The following TMTC2 variants were observed in gnomAD, a reference collection of about 807,000 sequenced individuals.
TMTC2 encodes transmembrane O-mannosyltransferase targeting cadherins 2, also known as protein O-mannosyl-transferase TMTC2.
A neutral mutation model predicts 82.4 loss-of-function variants in TMTC2; 43 were observed. That is an observed-to-expected ratio of 0.52 (90% CI 0.41 to 0.67). TMTC2 has a LOEUF of 0.67. TMTC2 is among the 30% of genes least tolerant of loss of function. The pLI is 0.00. For synonymous variants in TMTC2, 408 were observed against 381.9 expected, an observed-to-expected ratio of 1.07 and a Z score of -0.80; for missense variants, 919 against 1,012.4, an observed-to-expected ratio of 0.91 and a Z score of 1.25.
chr12:83,091,649 TTATG>T (rs1177420403), intron 11 of TMTC2, among the ~76,000 whole-genome samples: 1 of 152,218 alleles, frequency 6.6e-6, no homozygotes, highest in Non-Finnish European at 1.5e-5. Flanking sequence ...GTATTTTCAT[TTATG>T]TATGTATTAT....
chr12:82,933,941 T>G (rs1486905586), intron 4 of TMTC2, among the ~76,000 whole-genome samples: 1 of 152,230 alleles, frequency 6.6e-6, no homozygotes, highest in East Asian at 1.9e-4. Flanking sequence ...GAAATCAAAT[T>G]ATATCCAAGA....
chr12:82,989,115 G>A (rs371405081), intron 8 of TMTC2, among the ~76,000 whole-genome samples: 2 of 151,322 alleles, frequency 1.3e-5, no homozygotes, highest in African/African-American at 4.9e-5. Flanking sequence ...ACCAAAAAAA[G>A]CAAGAAAGAG....
chr12:83,017,180 C>A, intron 8 of TMTC2, among the ~76,000 whole-genome samples: 1 of 152,142 alleles, frequency 6.6e-6, no homozygotes, highest in East Asian at 1.9e-4. Flanking sequence ...CACAGTAAGA[C>A]CTCACTGATG....
At chr12:83,016,997 G>A (rs666439) in intron 8 of TMTC2, among the ~76,000 whole-genome samples, 1 of 152,220 alleles carries the variant, frequency 6.6e-6, no homozygotes, top group Non-Finnish European at 1.5e-5. Flanking sequence ...GGAAAAAGTA[G>A]AATTGCAGTG....
chr12:83,066,759 T>C (rs1882931469), intron 11 of TMTC2, among the ~76,000 whole-genome samples: 1 of 151,990 alleles, frequency 6.6e-6, no homozygotes, highest in Admixed American at 6.6e-5. Flanking sequence ...GGCCACCATA[T>C]ATGTTCCAAA....
chr12:82,921,336 T>C (rs1875381467), intron 3 of TMTC2, among the ~76,000 whole-genome samples: 1 of 152,202 alleles, frequency 6.6e-6, no homozygotes, highest in Admixed American at 6.5e-5. Flanking sequence ...TTAACCTCAG[T>C]TTTCTCATCT....
chr12:82,996,008 T>A (rs1053492390), intron 8 of TMTC2, among the ~76,000 whole-genome samples: 1 of 152,210 alleles, frequency 6.6e-6, no homozygotes, highest in African/African-American at 2.4e-5. Flanking sequence ...TGTACATAAA[T>A]GCCTGACTTC....
At position 82,857,409 on chromosome 12, in the gene TMTC2, A is replaced by T. The variant is rs1364007188; in HGVS notation, c.483A>T (p.Thr161=). The T allele has an allele frequency of 1.9e-6, 3 of 1,614,064 alleles. No individual in the cohort carries two copies. The East Asian group carries it at 6.7e-5, about 36-fold the overall frequency. ...TCTGCTACATTAAACACTGTTCTAC[A>T]AGAGGCTACTCAGCCAGAACCTGGG... is the stretch of plus-strand genomic sequence containing the variant. ...SLLCYIKHCS[T]RGYSARTWGW... is the part of the protein sequence containing the mutation. The change falls in exon 2 of 12, where the codon ACA becomes ACT. Residue 161 remains threonine, a synonymous_variant. Coordinates refer to ENST00000321196, the MANE Select transcript of TMTC2 (RefSeq NM_152588.3).
chr12:82,826,050 T>C (rs890108175), intron 1 of TMTC2, among the ~76,000 whole-genome samples: 1 of 152,260 alleles, frequency 6.6e-6, no homozygotes, highest in African/African-American at 2.4e-5. Flanking sequence ...TAGACTTGGA[T>C]AAATTTATAC....
chr12:82,875,915 A>G (rs894351391), intron 2 of TMTC2, among the ~76,000 whole-genome samples: 13 of 151,794 alleles, frequency 8.6e-5, no homozygotes, highest in African/African-American at 2.7e-4. Context: ...AAAAAAAAAA[A>G]AAAAAGAAAG....
intron 1 of TMTC2, among the ~76,000 whole-genome samples, chr12:82,766,271 T>C (rs1014684495): frequency 3.9e-5 from 6 of 152,174 alleles, no homozygotes; most frequent in Non-Finnish European, 8.8e-5. Flanking sequence ...TCCTGGAACA[T>C]AGCAAAGGCA....
At chr12:82,783,192 A>C (rs1167152721) in intron 1 of TMTC2, among the ~76,000 whole-genome samples, 1 of 152,068 alleles carries the variant, frequency 6.6e-6, no homozygotes, top group Non-Finnish European at 1.5e-5. Context: ...AGTCCTTAGA[A>C]CAATTCATAG....
chr12:82,962,971 G>A (rs78753974), intron 4 of TMTC2, among the ~76,000 whole-genome samples: 2,882 of 152,096 alleles, frequency 0.019, 82 homozygotes, highest in East Asian at 0.15. Flanking sequence ...GTTTCAGGAA[G>A]GAAGGTGAAT....
intron 4 of TMTC2, among the ~76,000 whole-genome samples, chr12:82,958,541 A>G (rs1877746125): frequency 6.6e-6 from 1 of 152,102 alleles, no homozygotes; most frequent in Non-Finnish European, 1.5e-5. Flanking sequence ...GCAAATCAAA[A>G]AAATGTGATT....
At chr12:83,060,447 A>G (rs1882699208) in intron 10 of TMTC2, among the ~76,000 whole-genome samples, 1 of 151,654 alleles carries the variant, frequency 6.6e-6, no homozygotes, top group African/African-American at 2.4e-5. Context: ...TCTAATTGAG[A>G]AAGTTAATTT....
At chr12:82,907,871 T>C (rs1874408937) in intron 3 of TMTC2, among the ~76,000 whole-genome samples, 2 of 152,062 alleles carry the variant, frequency 1.3e-5, no homozygotes, top group South Asian at 4.1e-4. Context: ...CCCAGCACTC[T>C]AGGAGGCCGA....
At chr12:83,105,292 A>T (rs1050395738) in intron 11 of TMTC2, among the ~76,000 whole-genome samples, 5 of 152,004 alleles carry the variant, frequency 3.3e-5, no homozygotes, top group African/African-American at 1.2e-4. Flanking sequence ...CTGCTTCCAC[A>T]TTTTCAGGTA....
At chr12:83,049,452 T>C (rs1482677817) in intron 9 of TMTC2, among the ~76,000 whole-genome samples, 5 of 152,226 alleles carry the variant, frequency 3.3e-5, no homozygotes, top group Non-Finnish European at 7.3e-5. Context: ...CTTCAGATTA[T>C]GGCCTCCAGT....
At chr12:82,710,870 G>A (rs530377711) in intron 1 of TMTC2, among the ~76,000 whole-genome samples, 8 of 152,264 alleles carry the variant, frequency 5.3e-5, no homozygotes, top group African/African-American at 1.2e-4. Flanking sequence ...AATCCAATTC[G>A]GCTTCATCTA....
Sources: allele counts gnomAD v4.1 joint callset (sites outside exome capture counted in the v4.1 genomes callset), GRCh38; gene constraint gnomAD v4.1.1; transcripts MANE v1.5; gene names NCBI Gene and HGNC (gene_info 2026-07-23, HGNC 2026-07-21).